The following ZNF827 variants were observed in gnomAD, a reference collection of about 807,000 sequenced individuals.
The protein encoded by ZNF827 is zinc finger protein 827.
Under a neutral mutation model 102.4 loss-of-function variants are expected in ZNF827, and 13 were observed. The ratio of observed to expected loss-of-function variants is 0.13; its 90% confidence interval spans 0.08 to 0.20. The LOEUF is 0.20. Among genes scored for constraint, ZNF827 ranks in the 10% least tolerant of loss-of-function variants. The pLI is 1.00. For missense variants in ZNF827, 1,103 were observed against 1,344.4 expected, an observed-to-expected ratio of 0.82 and a Z score of 2.81; for synonymous variants, 523 against 536.2, an observed-to-expected ratio of 0.98 and a Z score of 0.34.
intron 7 of ZNF827, among the ~76,000 whole-genome samples, chr4:145,835,576 GC>G (rs1173843279): frequency 6.7e-6 from 1 of 149,476 alleles, no homozygotes; most frequent in Non-Finnish European, 1.5e-5. Flanking sequence ...TCTCATTGCC[GC>G]CCTTCTTCCC....
At chr4:145,913,975 A>G (rs1047682046) in intron 1 of ZNF827, among the ~76,000 whole-genome samples, 1 of 152,182 alleles carries the variant, frequency 6.6e-6, no homozygotes, top group African/African-American at 2.4e-5. Context: ...AATGCATTCT[A>G]CAGTCTAAGA....
chr4:145,814,828 C>G (rs1273395078), intron 8 of ZNF827, among the ~76,000 whole-genome samples: 2 of 151,416 alleles, frequency 1.3e-5, no homozygotes, highest in East Asian at 3.9e-4. Flanking sequence ...GTAATCCCAG[C>G]TACTCAGGAG....
chr4:145,922,633 T>C (rs982240455), intron 1 of ZNF827, among the ~76,000 whole-genome samples: 1 of 152,218 alleles, frequency 6.6e-6, no homozygotes, highest in African/African-American at 2.4e-5. Flanking sequence ...ATGAAATACA[T>C]GCATAAAGCA....
At position 145,834,341 on chromosome 4, in the gene ZNF827, T is replaced by C. The variant is rs182473298; in HGVS notation, c.2280-10816A>G. 5.3e-5 allele frequency among the ~76,000 whole-genome samples: 8 copies of C among 152,238 alleles called. No individual in the cohort carries two copies. In the East Asian group the frequency reaches 1.5e-3, roughly 29 times the overall value. ...CTTTCCCTCCCGCCTGTCCCCTCAGTATTAACCCCAAGCGTCGCTGAGTCT... is the reference window on the plus strand; with the variant it reads ...CTTTCCCTCCCGCCTGTCCCCTCAGCATTAACCCCAAGCGTCGCTGAGTCT... On this transcript the variant is annotated intron_variant, in intron 7 of 14. Transcript: ENST00000508784.
chr4:145,902,427 A>C lies in ZNF827; in HGVS notation c.832T>G (p.Phe278Val), dbSNP rs747254550. The change falls in exon 2 of 15, where the codon TTC (phenylalanine) becomes GTC (valine). Residue 278 changes from phenylalanine to valine, a missense_variant. This residue lies in a region of ZNF827 where 441 missense variants were observed against 458.6 expected (regional missense o/e 0.96). Coordinates refer to ENST00000508784, the MANE Select transcript of ZNF827 (RefSeq NM_001306215.2). This position sits in a 1 kb window ranked among gnomAD's most constrained non-coding sequence, Gnocchi z 4.3. ...GAGGTCATAGAAGCCAGGGAAAGGA[A>C]GGAGCTGGCCGGTGGAGGGTGCTCC... The part of the protein sequence containing the change: ...GQEHPPPASS[F>V]LSLASMTSSA... 6.2e-7 allele frequency: 1 copy of C among 1,614,218 alleles called. No individual in the cohort carries two copies. The highest frequency in any genetic ancestry group is 8.5e-7 in the Non-Finnish European group (1 of 1,180,038).
At chr4:145,836,778 T>C (rs1407162917) in intron 7 of ZNF827, among the ~76,000 whole-genome samples, 19 of 151,578 alleles carry the variant, frequency 1.3e-4, no homozygotes, top group Admixed American at 3.9e-4. Flanking sequence ...CAAAGGCAGG[T>C]TATGCTATAG....
chr4:145,910,953 C>T (rs1020959039), intron 1 of ZNF827, among the ~76,000 whole-genome samples: 1 of 152,122 alleles, frequency 6.6e-6, no homozygotes, highest in Non-Finnish European at 1.5e-5. Context: ...GCTGCATCCT[C>T]GGCATTTAGG....
At chr4:145,798,924 A>G (rs1227486997) in intron 8 of ZNF827, among the ~76,000 whole-genome samples, 1 of 152,228 alleles carries the variant, frequency 6.6e-6, no homozygotes. Context: ...AATGATCTCT[A>G]TGGGACCAAA....
At chr4:145,862,899 A>G (rs1747866964) in intron 5 of ZNF827, among the ~76,000 whole-genome samples, 1 of 152,204 alleles carries the variant, frequency 6.6e-6, no homozygotes, top group African/African-American at 2.4e-5. Flanking sequence ...GATAAAATGG[A>G]CCTCATCAAA....
At chr4:145,786,894 C>T (rs1738941632) in intron 8 of ZNF827, among the ~76,000 whole-genome samples, 2 of 152,206 alleles carry the variant, frequency 1.3e-5, no homozygotes, top group Non-Finnish European at 2.9e-5. Context: ...AGAGGATCTA[C>T]CTTGCAGTGT....
intron 13 of ZNF827, among the ~76,000 whole-genome samples, chr4:145,764,495 G>A (rs1021015675): frequency 6.6e-6 from 1 of 152,190 alleles, no homozygotes; most frequent in African/African-American, 2.4e-5. Context: ...GGATCATGAA[G>A]CACATGATCG....
intron 8 of ZNF827, among the ~76,000 whole-genome samples, chr4:145,786,462 C>A (rs1738881344): frequency 1.3e-5 from 2 of 152,174 alleles, no homozygotes; most frequent in African/African-American, 4.8e-5. Flanking sequence ...TCTGGGGCCG[C>A]TTGGGTTTTC....
intron 1 of ZNF827, among the ~76,000 whole-genome samples, chr4:145,915,564 C>T (rs901704591): frequency 2.6e-5 from 4 of 152,314 alleles, no homozygotes; most frequent in Non-Finnish European, 5.9e-5. Context: ...CCTCTCAATA[C>T]TGTTGCATTG....
chr4:145,936,128 C>A (rs923414883), intron 1 of ZNF827, among the ~76,000 whole-genome samples: 1 of 152,202 alleles, frequency 6.6e-6, no homozygotes, highest in African/African-American at 2.4e-5. Context: ...TGTCCAAGCA[C>A]GGCAGACCTC....
At chr4:145,802,289 C>T (rs901123717) in intron 8 of ZNF827, among the ~76,000 whole-genome samples, 5 of 152,214 alleles carry the variant, frequency 3.3e-5, no homozygotes, top group Non-Finnish European at 7.3e-5. Context: ...CTTTCTCTTT[C>T]CACTCAGATA....
At chr4:145,814,769 C>CAA (rs773438540) in intron 8 of ZNF827, among the ~76,000 whole-genome samples, 27 of 74,332 alleles carry the variant, frequency 3.6e-4, no homozygotes, top group South Asian at 1.2e-3. Flanking sequence ...ACTAAAAATA[C>CAA]AAAAAAAAAA....
At chr4:145,772,950 G>A (rs1736509560) in intron 11 of ZNF827, among the ~76,000 whole-genome samples, 1 of 152,194 alleles carries the variant, frequency 6.6e-6, no homozygotes, top group Non-Finnish European at 1.5e-5. Context: ...ATTAAATGAT[G>A]ACAAGTCCAG....
rs542240561 is a variant in ZNF827 at position 145,930,774 on chromosome 4, T to G, written c.43+7591A>C. On this transcript the variant is annotated intron_variant, in intron 1 of 14. Transcript: ENST00000508784. Reference sequence around the variant, plus strand: ...CTAAAGGCCACATTCTGACCTCAGATCGTGGGCGCGTATCACTGTGCATTT... The same window carrying G: ...CTAAAGGCCACATTCTGACCTCAGAGCGTGGGCGCGTATCACTGTGCATTT... 2.8e-3 allele frequency among the ~76,000 whole-genome samples: 434 copies of G among 152,300 alleles called. 3 individuals are homozygous for G. The highest frequency in any genetic ancestry group is 5.4e-3 in the Non-Finnish European group (364 of 68,026).
At chr4:145,924,205 G>A (rs10013511) in intron 1 of ZNF827, among the ~76,000 whole-genome samples, 86,649 of 152,038 alleles carry the variant, frequency 0.57, 28,099 homozygotes, top group African/African-American at 0.88. Flanking sequence ...ACTAAGCAAT[G>A]TGGTAAAGTC....
Sources: gnomAD v4.1 joint callset for allele counts (sites outside exome capture counted in the v4.1 genomes callset) on GRCh38, gnomAD v4.1.1 for gene constraint, gnomAD v4.1.1 regional missense constraint, Gnocchi (gnomAD v3.1) non-coding constraint, MANE v1.5 for transcripts, NCBI Gene and HGNC (gene_info 2026-07-23, HGNC 2026-07-21) for gene names.